The following GABRG3 variants were observed in gnomAD, a reference collection of about 807,000 sequenced individuals.
GABRG3 encodes gamma-aminobutyric acid receptor subunit gamma-3.
A neutral mutation model predicts 48.8 loss-of-function variants in GABRG3; 25 were observed. The observed-to-expected ratio is 0.51, with a 90% confidence interval of 0.37 to 0.72. GABRG3 has a LOEUF of 0.72. Ranked by LOEUF, GABRG3 falls within the 30% of genes least tolerant of loss-of-function variation. GABRG3 has a pLI of 0.00. For missense variants in GABRG3, 394 were observed against 577.9 expected (o/e 0.68, Z 3.26); for synonymous variants, 227 against 217.6 (o/e 1.04, Z -0.38).
chr15:27,383,746 A>T (rs1404976063), intron 5 of GABRG3, among the ~76,000 whole-genome samples: 1 of 152,196 alleles, frequency 6.6e-6, no homozygotes. Context: ...TGTGCATGTC[A>T]TTTTCTTCAT....
At chr15:27,031,898 G>T (rs7403483) in intron 3 of GABRG3, among the ~76,000 whole-genome samples, 75,152 of 152,104 alleles carry the variant, frequency 0.49, 18,808 homozygotes, top group Non-Finnish European at 0.54. Context: ...GACCTTGTTT[G>T]GTTTTTCTTT....
intron 3 of GABRG3, among the ~76,000 whole-genome samples, chr15:27,306,331 A>C (rs1371560847): frequency 1.6e-5 from 2 of 125,258 alleles, no homozygotes; most frequent in African/African-American, 3.5e-5. Context: ...TCTATATATA[A>C]ACATAAAATA....
intron 3 of GABRG3, among the ~76,000 whole-genome samples, chr15:27,145,778 C>G (rs188149519): frequency 2.0e-5 from 3 of 151,962 alleles, no homozygotes; most frequent in African/African-American, 7.2e-5. Flanking sequence ...AATGGACTCT[C>G]AATAGGAAAA....
At chr15:27,098,882 A>G (rs1365984647) in intron 3 of GABRG3, among the ~76,000 whole-genome samples, 2 of 152,084 alleles carry the variant, frequency 1.3e-5, no homozygotes, top group African/African-American at 2.4e-5. Flanking sequence ...CTTAGGACCA[A>G]AAGTCCCTGG....
chr15:27,229,379 G>C (rs1436491812), intron 3 of GABRG3, among the ~76,000 whole-genome samples: 1 of 151,992 alleles, frequency 6.6e-6, no homozygotes, highest in Non-Finnish European at 1.5e-5. Flanking sequence ...TCAAAGATCA[G>C]ATGCTATAGA....
chr15:27,025,851 G>C (rs187834099), intron 2 of GABRG3, among the ~76,000 whole-genome samples: 4 of 152,138 alleles, frequency 2.6e-5, no homozygotes, highest in Admixed American at 2.0e-4. Flanking sequence ...ATTCCTCCTG[G>C]GCAGAAATTT....
At chr15:27,287,701 GAAT>G (rs1428934313) in intron 3 of GABRG3, among the ~76,000 whole-genome samples, 1 of 150,558 alleles carries the variant, frequency 6.6e-6, no homozygotes, top group Admixed American at 6.6e-5. Flanking sequence ...TGAACTCTTG[GAAT>G]AATATCTATT....
At chr15:27,523,812 C>T (rs1891213050) in intron 7 of GABRG3, among the ~76,000 whole-genome samples, 1 of 151,788 alleles carries the variant, frequency 6.6e-6, no homozygotes, top group African/African-American at 2.4e-5. Context: ...ATTTACCAAT[C>T]TGAGCAACAG....
At chr15:27,011,025 T>G (rs1201952097) in intron 2 of GABRG3, among the ~76,000 whole-genome samples, 1 of 152,198 alleles carries the variant, frequency 6.6e-6, no homozygotes, top group East Asian at 1.9e-4. Context: ...TCTTGTATTT[T>G]TAGTAGAGTC....
intron 2 of GABRG3, among the ~76,000 whole-genome samples, chr15:26,990,946 A>C (rs1393372015): frequency 6.6e-6 from 1 of 152,000 alleles, no homozygotes. Context: ...CTGGGACTAC[A>C]GGCATGCGCC....
At chr15:26,990,392 A>C (rs903521935) in intron 2 of GABRG3, among the ~76,000 whole-genome samples, 1 of 152,232 alleles carries the variant, frequency 6.6e-6, no homozygotes, top group Non-Finnish European at 1.5e-5. Flanking sequence ...GCATCTTCTC[A>C]TATGCCTGTT....
intron 3 of GABRG3, among the ~76,000 whole-genome samples, chr15:27,126,883 G>A (rs1234345553): frequency 6.6e-6 from 1 of 152,172 alleles, no homozygotes; most frequent in African/African-American, 2.4e-5. Context: ...CCCTGAGTAG[G>A]TGGAGGACAT....
chr15:26,980,681 C>CA (rs67711680), intron 2 of GABRG3, among the ~76,000 whole-genome samples: 3,412 of 123,216 alleles, frequency 0.028, 73 homozygotes, highest in Non-Finnish European at 0.045. Flanking sequence ...TCCTCTGTCT[C>CA]AAAAAAAAAA....
chr15:27,384,720 G>A (rs1895872640), intron 5 of GABRG3, among the ~76,000 whole-genome samples: 1 of 152,074 alleles, frequency 6.6e-6, no homozygotes, highest in African/African-American at 2.4e-5. Context: ...GAGGAGTCTT[G>A]TTAATAATAC....
At chr15:27,379,824 C>T (rs1895711067) in intron 5 of GABRG3, among the ~76,000 whole-genome samples, 1 of 152,120 alleles carries the variant, frequency 6.6e-6, no homozygotes, top group Admixed American at 6.5e-5. Flanking sequence ...GTGGTTTTCC[C>T]TCTCTGGCTT....
At chr15:27,397,835 C>G (rs192661507) in intron 5 of GABRG3, among the ~76,000 whole-genome samples, 1 of 147,110 alleles carries the variant, frequency 6.8e-6, no homozygotes, top group African/African-American at 2.5e-5. Flanking sequence ...GACGGAGTCT[C>G]GCTCTGTGGC....
At chr15:27,463,302 A>G (rs1889504730) in intron 5 of GABRG3, among the ~76,000 whole-genome samples, 1 of 152,378 alleles carries the variant, frequency 6.6e-6, no homozygotes, top group South Asian at 2.1e-4. Flanking sequence ...TGAAACAAGT[A>G]CTATAAGATA....
chr15:27,330,398 T>G (rs1187830235), intron 5 of GABRG3, among the ~76,000 whole-genome samples: 2 of 152,288 alleles, frequency 1.3e-5, no homozygotes, highest in Non-Finnish European at 2.9e-5. Context: ...ATTTTACTTT[T>G]GCTTCTGCTC....
intron 3 of GABRG3, among the ~76,000 whole-genome samples, chr15:27,250,264 C>G (rs770139915): frequency 2.6e-5 from 4 of 152,168 alleles, no homozygotes; most frequent in Non-Finnish European, 4.4e-5. Flanking sequence ...AAGCTCTGAT[C>G]ACCTCCAGAC....
Sources: gnomAD v4.1 joint callset for allele counts (sites outside exome capture counted in the v4.1 genomes callset) on GRCh38, gnomAD v4.1.1 for gene constraint, MANE v1.5 for transcripts, NCBI Gene and HGNC (gene_info 2026-07-23, HGNC 2026-07-21) for gene names.